ELMO1: variants seen among roughly 807,000 people sequenced by gnomAD.
ELMO1 encodes engulfment and cell motility 1, also known as engulfment and cell motility protein 1.
A neutral mutation model predicts 98.9 loss-of-function variants in ELMO1; 26 were observed. That is an observed-to-expected ratio of 0.26 (90% CI 0.19 to 0.36). ELMO1 has a LOEUF of 0.36. Ranked by LOEUF, ELMO1 falls within the 10% of genes least tolerant of loss-of-function variation. The pLI is 1.00. For synonymous variants in ELMO1, 346 were observed against 346.0 expected (o/e 1.00, Z 0.00); for missense variants, 627 against 935.2 (o/e 0.67, Z 4.30).
At chr7:37,433,706 G>T (rs1266540211) in intron 1 of ELMO1, among the ~76,000 whole-genome samples, 5 of 152,158 alleles carry the variant, frequency 3.3e-5, no homozygotes, top group Admixed American at 3.3e-4. Context: ...CCAGGGAGCA[G>T]GGTGCCTCAA....
intron 13 of ELMO1, among the ~76,000 whole-genome samples, chr7:37,133,964 A>G (rs1787096389): frequency 6.6e-6 from 1 of 152,226 alleles, no homozygotes; most frequent in Non-Finnish European, 1.5e-5. Context: ...AAGGACATGA[A>G]TAGACATTTT....
At chr7:37,323,883 T>C (rs1180807503) in intron 2 of ELMO1, among the ~76,000 whole-genome samples, 3 of 152,210 alleles carry the variant, frequency 2.0e-5, no homozygotes, top group Non-Finnish European at 4.4e-5. Context: ...GCCACCCTTT[T>C]AAATTTAACA....
At chr7:37,272,089 A>T (rs1343572396) in intron 4 of ELMO1, among the ~76,000 whole-genome samples, 3 of 152,194 alleles carry the variant, frequency 2.0e-5, no homozygotes, top group African/African-American at 7.2e-5. Context: ...GAAAAGGAAT[A>T]TGGGTCCCAA....
At chr7:36,963,583 T>C (rs1789155577) in intron 16 of ELMO1, among the ~76,000 whole-genome samples, 1 of 152,088 alleles carries the variant, frequency 6.6e-6, no homozygotes, top group Non-Finnish European at 1.5e-5. Context: ...ATTAGAGGCA[T>C]TTTTCCTTTT....
Position 36,855,518 on chromosome 7 carries a change from G to C in ELMO1, c.*33C>G. The C allele has an allele frequency of 6.2e-7, 1 of 1,612,750 alleles. No homozygotes were observed. The highest frequency in any genetic ancestry group is 1.3e-5 in the African/African-American group (1 of 75,036). On this transcript the variant is annotated 3_prime_UTR_variant, in exon 22 of 22. Coordinates refer to ENST00000310758, the MANE Select transcript of ELMO1 (RefSeq NM_014800.11). The surrounding 1 kb of genome is among the most constrained non-coding windows in gnomAD (Gnocchi z 4.2). Reference sequence around the variant, plus strand: ...TCTCTCCTGTTAGCTAGGTGTTCCAGTTTTGGAAGGGGCATGTCTGGGCCC... The same window carrying C: ...TCTCTCCTGTTAGCTAGGTGTTCCACTTTTGGAAGGGGCATGTCTGGGCCC...
intron 16 of ELMO1, among the ~76,000 whole-genome samples, chr7:36,975,147 C>T (rs186683517): frequency 9.2e-5 from 14 of 152,302 alleles, no homozygotes; most frequent in South Asian, 4.1e-4. Flanking sequence ...CTATATGTAT[C>T]GCTCAGACAT....
At chr7:37,246,801 T>C (rs538678250) in intron 6 of ELMO1, among the ~76,000 whole-genome samples, 11 of 150,238 alleles carry the variant, frequency 7.3e-5, no homozygotes, top group African/African-American at 1.5e-4. Context: ...AACAGACAGA[T>C]AGATAGATAG....
At chr7:37,304,732 AAAG>A (rs1411199868) in intron 4 of ELMO1, among the ~76,000 whole-genome samples, 2 of 152,134 alleles carry the variant, frequency 1.3e-5, no homozygotes, top group South Asian at 2.1e-4. Flanking sequence ...AATAGAAAGA[AAAG>A]AAAGTAAAAC....
chr7:37,186,623 C>A (rs1791224314), intron 13 of ELMO1, among the ~76,000 whole-genome samples: 1 of 152,148 alleles, frequency 6.6e-6, no homozygotes, highest in Non-Finnish European at 1.5e-5. Flanking sequence ...AAAAGATGAA[C>A]AGCCCAATTA....
At chr7:37,373,588 G>A (rs974169150) in intron 1 of ELMO1, among the ~76,000 whole-genome samples, 4 of 150,344 alleles carry the variant, frequency 2.7e-5, no homozygotes, top group African/African-American at 9.8e-5. Flanking sequence ...CAGCCTGGAT[G>A]ATAGAGCAAG....
At chr7:37,375,742 G>A in intron 1 of ELMO1, 1 of 1,198,806 alleles carries the variant, frequency 8.3e-7, no homozygotes, top group Non-Finnish European at 1.2e-6. Flanking sequence ...CCTTACCAAT[G>A]AGGGTATCCA....
chr7:37,359,005 A>G (rs1372236156), intron 1 of ELMO1, among the ~76,000 whole-genome samples: 2 of 152,214 alleles, frequency 1.3e-5, no homozygotes, highest in African/African-American at 4.8e-5. Context: ...GGAGTCATTG[A>G]CGAACCAGGA....
chr7:37,323,612 G>C (rs7777359), intron 2 of ELMO1, among the ~76,000 whole-genome samples: 61,524 of 152,014 alleles, frequency 0.4, 13,570 homozygotes, highest in Non-Finnish European at 0.5. Context: ...ATTGCTTGGA[G>C]CCAGGAGGCA....
At chr7:37,437,780 T>C (rs1805211555) in intron 1 of ELMO1, among the ~76,000 whole-genome samples, 1 of 22,332 alleles carries the variant, frequency 4.5e-5, no homozygotes. Flanking sequence ...CCATCCTGGC[T>C]AACAAGGTGA....
intron 16 of ELMO1, among the ~76,000 whole-genome samples, chr7:36,998,611 A>T (rs1792398620): frequency 6.6e-6 from 1 of 152,134 alleles, no homozygotes; most frequent in Non-Finnish European, 1.5e-5. Flanking sequence ...CAGTAAAAAA[A>T]ATTTTTAAGG....
At chr7:37,445,913 A>G (rs1675010091) in intron 1 of ELMO1, among the ~76,000 whole-genome samples, 1 of 152,090 alleles carries the variant, frequency 6.6e-6, no homozygotes, top group African/African-American at 2.4e-5. Context: ...CTCCAAGGAG[A>G]GTGATGAAAC....
At chr7:36,895,618 C>T (rs1805934038) in intron 16 of ELMO1, among the ~76,000 whole-genome samples, 1 of 152,202 alleles carries the variant, frequency 6.6e-6, no homozygotes, top group African/African-American at 2.4e-5. Flanking sequence ...TTAGAACAGA[C>T]ATATCCCACT....
At chr7:37,179,334 C>T (rs1243819997) in intron 13 of ELMO1, among the ~76,000 whole-genome samples, 2 of 145,666 alleles carry the variant, frequency 1.4e-5, no homozygotes, top group Non-Finnish European at 3.0e-5. Context: ...CTGGAGTGCA[C>T]TGGCGCGATC....
At chr7:36,953,662 G>A (rs568039376) in intron 16 of ELMO1, among the ~76,000 whole-genome samples, 13 of 152,018 alleles carry the variant, frequency 8.6e-5, no homozygotes, top group Non-Finnish European at 1.6e-4. Flanking sequence ...AGGACAACTC[G>A]GTTTTTTATT....
Sources: gnomAD v4.1 joint callset for allele counts (sites outside exome capture counted in the v4.1 genomes callset) on GRCh38, gnomAD v4.1.1 for gene constraint, Gnocchi (gnomAD v3.1) non-coding constraint, MANE v1.5 for transcripts, NCBI Gene and HGNC (gene_info 2026-07-23, HGNC 2026-07-21) for gene names.